TENM3: variants seen among roughly 807,000 people sequenced by gnomAD.
The protein encoded by TENM3 is teneurin transmembrane protein 3.
Under a neutral mutation model 255.1 loss-of-function variants are expected in TENM3, and 63 were observed. The ratio of observed to expected loss-of-function variants is 0.25; its 90% CI spans 0.20 to 0.30. The LOEUF (loss-of-function observed/expected upper bound fraction) is 0.30. Ranked by LOEUF, TENM3 falls within the 10% of genes least tolerant of loss-of-function variation. The probability of loss-of-function intolerance (pLI) is 1.00; values close to 1 mark genes in which losing one functional copy is unlikely to be tolerated. For synonymous variants in TENM3, 1,306 were observed against 1,322.3 expected, an observed-to-expected ratio of 0.99 and a Z score of 0.27; for missense variants, 2,929 against 3,461.1, an observed-to-expected ratio of 0.85 and a Z score of 3.86.
the TENM3 span, among the ~76,000 whole-genome samples, chr4:181,606,199 G>T: frequency 1.3e-5 from 2 of 152,104 alleles, no homozygotes; most frequent in Non-Finnish European, 2.9e-5. Context: ...AGCAGACATC[G>T]TGTTTCCGGT....
the TENM3 span, among the ~76,000 whole-genome samples, chr4:181,576,294 C>T: frequency 3.8e-4 from 58 of 152,326 alleles, no homozygotes; most frequent in African/African-American, 1.4e-3. Context: ...TTTTTTATAG[C>T]TGAATAGTAT....
At chr4:182,221,879 T>A (rs1755870563) in intron 1 of TENM3, among the ~76,000 whole-genome samples, 1 of 152,214 alleles carries the variant, frequency 6.6e-6, no homozygotes, top group South Asian at 2.1e-4. Flanking sequence ...TTAAGCAAGA[T>A]CCTATTTTGA....
chr4:181,732,322 C>CA, the TENM3 span, among the ~76,000 whole-genome samples: 1 of 152,200 alleles, frequency 6.6e-6, no homozygotes, highest in African/African-American at 2.4e-5. Flanking sequence ...AAAACAGTTT[C>CA]ACCCACTTCA....
chr4:181,892,669 T>G, the TENM3 span, among the ~76,000 whole-genome samples: 1 of 152,146 alleles, frequency 6.6e-6, no homozygotes, highest in African/African-American at 2.4e-5. Flanking sequence ...TAGTCTTTTT[T>G]CTCTCTGTTT....
At chr4:181,999,238 T>C in the TENM3 span, among the ~76,000 whole-genome samples, 9 of 152,160 alleles carry the variant, frequency 5.9e-5, no homozygotes, top group Non-Finnish European at 7.4e-5. Context: ...ACTTTGTGAA[T>C]GATGACAGGA....
At chr4:181,926,203 A>G in the TENM3 span, among the ~76,000 whole-genome samples, 25 of 152,224 alleles carry the variant, frequency 1.6e-4, no homozygotes, top group African/African-American at 5.8e-4. Context: ...ATTGATCCAG[A>G]AAGCTTCCAT....
intron 22 of TENM3, among the ~76,000 whole-genome samples, chr4:182,756,931 G>T (rs181605112): frequency 3.9e-5 from 6 of 152,126 alleles, no homozygotes; most frequent in African/African-American, 1.4e-4. Context: ...CAAAGTGATC[G>T]CAGGCTAGAT....
chr4:181,901,475 AC>A, the TENM3 span, among the ~76,000 whole-genome samples: 1 of 152,174 alleles, frequency 6.6e-6, no homozygotes, highest in Non-Finnish European at 1.5e-5. Context: ...GTTGGCCAAA[AC>A]AGTTGTTTAG....
At chr4:181,948,786 C>A in the TENM3 span, among the ~76,000 whole-genome samples, 1 of 152,154 alleles carries the variant, frequency 6.6e-6, no homozygotes, top group South Asian at 2.1e-4. Flanking sequence ...CCCACCCCCA[C>A]TGTCTTCACC....
At position 182,623,377 on chromosome 4, in the gene TENM3, A is replaced by G. The variant is rs575877971; in HGVS notation, c.750-5274A>G. On this transcript the variant is annotated intron_variant, in intron 4 of 27. Coordinates refer to ENST00000511685, the MANE Select transcript of TENM3 (RefSeq NM_001080477.4). The stretch of plus-strand genomic sequence containing the variant: ...GAATGCAGTGGTGTAGTCTCAGCTC[A>G]CTGCAACCTCCATCTCCTGGGTTCA... 8.6e-5 allele frequency among the ~76,000 whole-genome samples: 13 copies of G among 151,192 alleles called. No homozygotes were observed. The East Asian group carries it at 2.3e-3, about 27-fold the overall frequency.
the TENM3 span, among the ~76,000 whole-genome samples, chr4:181,493,006 C>T: frequency 2.2e-4 from 33 of 151,462 alleles, no homozygotes; most frequent in African/African-American, 7.8e-4. Context: ...TAAGTATGAA[C>T]CAGACCATTG....
chr4:182,482,726 C>T (rs1447264797), intron 3 of TENM3, among the ~76,000 whole-genome samples: 1 of 152,168 alleles, frequency 6.6e-6, no homozygotes, highest in Non-Finnish European at 1.5e-5. Context: ...TGTATGCATT[C>T]ATGTCAGTTC....
rs968695628 is a variant in TENM3, at chr4:182,789,725, G to A, written c.5601+336G>A. ...TAAGTCGCTTGTAAATAATTTTCGTGCTAGCTCTTCCATTTAAGAGAGAGC... is the reference window on the plus strand; with the variant it reads ...TAAGTCGCTTGTAAATAATTTTCGTACTAGCTCTTCCATTTAAGAGAGAGC... On this transcript the variant is annotated intron_variant, in intron 25 of 27. Transcript: ENST00000511685. This position sits in a 1 kb window ranked among gnomAD's most constrained non-coding sequence, Gnocchi z 4.4. 6.6e-6 allele frequency among the ~76,000 whole-genome samples: 1 copy of A among 152,178 alleles called. No homozygotes were observed. The highest frequency in any genetic ancestry group is 2.4e-5 in the African/African-American group (1 of 41,432).
At chr4:181,515,757 C>T in the TENM3 span, among the ~76,000 whole-genome samples, 1 of 152,096 alleles carries the variant, frequency 6.6e-6, no homozygotes, top group South Asian at 2.1e-4. Context: ...ACTGTTTATT[C>T]CATGATGAGA....
intron 1 of TENM3, among the ~76,000 whole-genome samples, chr4:182,306,202 TTC>T (rs1343166762): frequency 5.9e-5 from 9 of 152,096 alleles, no homozygotes; most frequent in Admixed American, 4.6e-4. Context: ...TTCTTTTTTT[TTC>T]TTTTTTTTTG....
chr4:181,472,684 A>G, the TENM3 span, among the ~76,000 whole-genome samples: 1 of 152,118 alleles, frequency 6.6e-6, no homozygotes, highest in Non-Finnish European at 1.5e-5. Context: ...GTAGGAGTGT[A>G]AGCATGTTCT....
At chr4:182,111,508 T>A in the TENM3 span, among the ~76,000 whole-genome samples, 1 of 152,214 alleles carries the variant, frequency 6.6e-6, no homozygotes, top group African/African-American at 2.4e-5. Flanking sequence ...GATGTTCATA[T>A]TCAAGAAAGC....
chr4:181,981,306 C>T, the TENM3 span, among the ~76,000 whole-genome samples: 1 of 152,254 alleles, frequency 6.6e-6, no homozygotes, highest in South Asian at 2.1e-4. Flanking sequence ...CTAATCCATG[C>T]ATATTTTGAC....
intron 5 of TENM3, among the ~76,000 whole-genome samples, chr4:182,644,995 A>G (rs751138828): frequency 7.2e-5 from 11 of 152,060 alleles, no homozygotes; most frequent in Non-Finnish European, 1.3e-4. Flanking sequence ...TATAGATGAC[A>G]AATGTCAGAT....
Sources: allele counts gnomAD v4.1 joint callset (sites outside exome capture counted in the v4.1 genomes callset), GRCh38; gene constraint gnomAD v4.1.1; non-coding constraint Gnocchi (gnomAD v3.1); transcripts MANE v1.5; gene names NCBI Gene and HGNC (gene_info 2026-07-23, HGNC 2026-07-21).